The following REV3L variants were observed in gnomAD, a reference collection of about 807,000 sequenced individuals.
The protein encoded by REV3L is DNA polymerase zeta catalytic subunit.
A neutral mutation model predicts 299.4 loss-of-function variants in REV3L; 69 were observed. That is an observed-to-expected ratio of 0.23 (90% confidence interval 0.19 to 0.28). The LOEUF is 0.28. Among genes scored for constraint, REV3L ranks in the 10% least tolerant of loss-of-function variants. The pLI, the probability that REV3L is intolerant of heterozygous loss-of-function variation, is 1.00. For missense variants in REV3L, 3,128 were observed against 3,693.8 expected, an observed-to-expected ratio of 0.85 and a Z score of 3.97; for synonymous variants, 1,238 against 1,271.4, an observed-to-expected ratio of 0.97 and a Z score of 0.56.
chr6:111,372,960 T>C lies in REV3L; in HGVS notation c.5395A>G (p.Ile1799Val). The C allele has an allele frequency of 1.2e-6, 2 of 1,614,164 alleles. No individual in the cohort carries two copies. Among genetic ancestry groups the C allele is most frequent in the Middle Eastern group, 3.3e-4 (2 of 6,062 alleles). ...ATTTCTTTTCTGGTGTGACCTTGAA[T>C]CCAGTCTGAATTGTTTGGCTGTGGG... ...SLPQPNNSDW[I>V]QGHTRKEMGQ... is the part of the protein sequence containing the mutation. The change falls in exon 13 of 32, where the codon ATT becomes GTT. Residue 1799 changes from isoleucine to valine, a missense_variant. Physicochemically the swap from Ile to Val is conservative, Grantham distance 29. Coordinates refer to ENST00000368802, the MANE Select transcript of REV3L (RefSeq NM_001372078.1).
intron 28 of REV3L, chr6:111,311,769 C>G (rs1170033726): frequency 6.6e-6 from 1 of 151,662 alleles, no homozygotes; most frequent in Non-Finnish European, 1.5e-5. Context: ...GAAATTTCTA[C>G]TAGGAAATAA....
At chr6:111,390,371 C>T (rs769428635) in intron 5 of REV3L, among the ~76,000 whole-genome samples, 191 bp from the exon 6 acceptor site, 64 of 151,932 alleles carry the variant, frequency 4.2e-4, no homozygotes, top group Non-Finnish European at 7.9e-4. Flanking sequence ...AAATACAAAA[C>T]ATATTATACT....
intron 25 of REV3L, among the ~76,000 whole-genome samples, 187 bp downstream of exon 25, chr6:111,329,342 CTTT>C (rs753012263): frequency 6.5e-5 from 9 of 139,322 alleles, no homozygotes; most frequent in African/African-American, 2.1e-4. Context: ...CATGCCTGGC[CTTT>C]TTTTTTTTTT....
intron 1 of REV3L, among the ~76,000 whole-genome samples, chr6:111,426,241 C>T (rs1222526332): frequency 1.3e-5 from 2 of 152,098 alleles, no homozygotes; most frequent in African/African-American, 2.4e-5. Context: ...GTCAGAAAAC[C>T]GAGAATTTGT....
intron 26 of REV3L, among the ~76,000 whole-genome samples, chr6:111,319,371 GA>G (rs1773883893): frequency 1.3e-5 from 2 of 152,206 alleles, no homozygotes; most frequent in Non-Finnish European, 2.9e-5. Context: ...TGAGGCAGGA[GA>G]ATGGCGTGAA....
At chr6:111,346,207 GA>G (rs1348940421) in intron 20 of REV3L, among the ~76,000 whole-genome samples, 1 of 152,142 alleles carries the variant, frequency 6.6e-6, no homozygotes, top group Non-Finnish European at 1.5e-5. Flanking sequence ...AATATTTGTT[GA>G]ATTGAATCAA....
chr6:111,449,901 C>T (rs1789297923), intron 1 of REV3L, among the ~76,000 whole-genome samples: 1 of 152,048 alleles, frequency 6.6e-6, no homozygotes, highest in Non-Finnish European at 1.5e-5. Context: ...GGAAATGATA[C>T]AGATGATGGA....
chr6:111,332,479 T>C (rs1022214616), intron 23 of REV3L, among the ~76,000 whole-genome samples: 2 of 152,306 alleles, frequency 1.3e-5, no homozygotes, highest in South Asian at 4.1e-4. Context: ...ATCTTGTAAA[T>C]TTTCCAAATT....
intron 14 of REV3L, 100 bp downstream of exon 14, chr6:111,367,015 C>T: frequency 9.9e-7 from 1 of 1,015,126 alleles, no homozygotes; most frequent in Non-Finnish European, 1.4e-6. Flanking sequence ...TGAGCTATAC[C>T]TTCATTTAAA....
At chr6:111,351,510 T>C (rs1328830338) in intron 19 of REV3L, among the ~76,000 whole-genome samples, 166 bp downstream of exon 19, 1 of 152,218 alleles carries the variant, frequency 6.6e-6, no homozygotes, top group Non-Finnish European at 1.5e-5. Context: ...ATATTTTTTA[T>C]TTTATTTTTA....
At chr6:111,313,284 G>A in intron 28 of REV3L, 68 bp downstream of exon 28, 1 of 1,454,698 alleles carries the variant, frequency 6.9e-7, no homozygotes. Flanking sequence ...TTTAAGGGTA[G>A]TTACATTTTC....
intron 25 of REV3L, 119 bp downstream of exon 25, chr6:111,329,413 G>T: frequency 1.2e-6 from 1 of 839,760 alleles, no homozygotes; most frequent in African/African-American, 1.7e-5. Context: ...TTCAACTCTG[G>T]GCTGAAGACC....
chr6:111,322,152 A>C (rs1314883337), intron 26 of REV3L, among the ~76,000 whole-genome samples: 1 of 152,190 alleles, frequency 6.6e-6, no homozygotes, highest in African/African-American at 2.4e-5. Flanking sequence ...CCGAGTGGTA[A>C]GTTAACCATT....
intron 1 of REV3L, chr6:111,430,608 A>G: frequency 1.3e-6 from 2 of 1,531,526 alleles, no homozygotes; most frequent in East Asian, 2.2e-5. Flanking sequence ...CAGAACAGAC[A>G]CCTCGCAGAG....
chr6:111,338,312 C>CTTTTTTTTTTTTTTTTTTTTTTT (rs144497761), intron 21 of REV3L, among the ~76,000 whole-genome samples: 5 of 47,940 alleles, frequency 1.0e-4, no homozygotes, highest in East Asian at 1.2e-3. Flanking sequence ...GTCTAAAGTC[C>CTTTTTTTTTTTTTTTTTTTTTTT]TTTTTTTTTT....
At chr6:111,322,477 T>C in intron 26 of REV3L, 92 bp downstream of exon 26, 4 of 927,660 alleles carry the variant, frequency 4.3e-6, no homozygotes, top group Non-Finnish European at 7.0e-6. Flanking sequence ...CAGAACTCTG[T>C]TTTTAGAAAA....
rs775914122 is a variant in REV3L at position 111,377,861 on chromosome 6, T to C, written c.1455-18A>G. Reference sequence around the variant, plus strand: ...ACAGTGATCTGGAGAACATTAAAATTCACTGGTGAGCATGATCATTAGTAA... The same window carrying C: ...ACAGTGATCTGGAGAACATTAAAATCCACTGGTGAGCATGATCATTAGTAA... On this transcript the variant is annotated intron_variant, in intron 11 of 31. Transcript: ENST00000368802. 5 of 1,599,074 alleles carry C rather than the reference T, an allele frequency of 3.1e-6. No individual in the cohort carries two copies. In the South Asian group the frequency reaches 5.7e-5, roughly 18 times the overall value.
At chr6:111,446,595 G>A (rs922958522) in intron 1 of REV3L, among the ~76,000 whole-genome samples, 2 of 152,122 alleles carry the variant, frequency 1.3e-5, no homozygotes, top group Non-Finnish European at 2.9e-5. Context: ...CAGCTACTCA[G>A]GAGGTTGAAA....
chr6:111,422,613 C>CATATATATATATACACATATATATATAT, intron 1 of REV3L, among the ~76,000 whole-genome samples: 1 of 7,186 alleles, frequency 1.4e-4, no homozygotes, highest in South Asian at 2.9e-3. Flanking sequence ...TATATATATA[C>CATATATATATATACACATATATATATAT]ACATATATAT....
Sources: allele counts gnomAD v4.1 joint callset (sites outside exome capture counted in the v4.1 genomes callset), GRCh38; gene constraint gnomAD v4.1.1; transcripts MANE v1.5; gene names NCBI Gene and HGNC (gene_info 2026-07-23, HGNC 2026-07-21).